The following AKT3 variants were observed in gnomAD, a reference collection of about 807,000 sequenced individuals.
AKT3 encodes RAC-gamma serine/threonine-protein kinase.
Under a neutral mutation model 65.3 loss-of-function variants are expected in AKT3, and 15 were observed. The observed-to-expected ratio is 0.23, with a 90% CI of 0.15 to 0.35. The LOEUF (loss-of-function observed/expected upper bound fraction) is 0.35. Ranked by LOEUF, AKT3 falls within the 10% of genes least tolerant of loss-of-function variation. The probability of loss-of-function intolerance (pLI) is 1.00; values close to 1 mark genes in which losing one functional copy is unlikely to be tolerated. For missense variants in AKT3, 243 were observed against 576.5 expected (o/e 0.42, Z 5.92); for synonymous variants, 206 against 183.8 (o/e 1.12, Z -0.98).
At chr1:243,512,173 T>C (rs1670054641) in intron 13 of AKT3, 151 bp downstream of exon 13, 2 of 523,582 alleles carry the variant, frequency 3.8e-6, no homozygotes, top group Admixed American at 3.9e-5. Context: ...TAAATTCAAT[T>C]CAATATTCAA....
chr1:243,682,655 C>T (rs1414402385), intron 3 of AKT3, among the ~76,000 whole-genome samples: 2 of 152,120 alleles, frequency 1.3e-5, no homozygotes, highest in African/African-American at 2.4e-5. Context: ...ATTTTTCACT[C>T]TATACAGGGA....
intron 2 of AKT3, among the ~76,000 whole-genome samples, chr1:243,807,069 G>A (rs72761662): frequency 0.03 from 4,565 of 152,246 alleles, 94 homozygotes; most frequent in Non-Finnish European, 0.051. Flanking sequence ...CAAGATGGCC[G>A]AATAGGAAAA....
intron 2 of AKT3, among the ~76,000 whole-genome samples, chr1:243,804,603 T>C (rs1692605752): frequency 6.6e-6 from 1 of 152,112 alleles, no homozygotes; most frequent in African/African-American, 2.4e-5. Context: ...TCCCAGCACT[T>C]TGGGAGGCCG....
At chr1:243,704,988 A>G (rs1685703979) in intron 2 of AKT3, among the ~76,000 whole-genome samples, 2 of 152,196 alleles carry the variant, frequency 1.3e-5, no homozygotes, top group Non-Finnish European at 2.9e-5. Context: ...AGGTGTTTAC[A>G]ATTTTCGTGA....
chr1:243,682,489 G>C (rs1683995189), intron 3 of AKT3, among the ~76,000 whole-genome samples: 1 of 152,120 alleles, frequency 6.6e-6, no homozygotes, highest in Non-Finnish European at 1.5e-5. Context: ...TGTTACTACA[G>C]AAACTACAAA....
intron 3 of AKT3, among the ~76,000 whole-genome samples, chr1:243,691,866 G>A (rs1238446311): frequency 6.6e-6 from 1 of 152,162 alleles, no homozygotes; most frequent in Non-Finnish European, 1.5e-5. Flanking sequence ...AACCCCAAAA[G>A]TCAACGTGTC....
At chr1:243,491,512 A>T (rs1198735776) in intron 13 of AKT3, among the ~76,000 whole-genome samples, 1 of 152,234 alleles carries the variant, frequency 6.6e-6, no homozygotes, top group African/African-American at 2.4e-5. Flanking sequence ...TAGTGGTCAG[A>T]GAGGAGGCAG....
In AKT3 at chr1:243,502,443, G is replaced by C. The variant is rs1009620218; in HGVS notation, c.*2806C>G. 4.3e-6 allele frequency: 1 copy of C among 233,118 alleles called. No individual in the cohort carries two copies. The highest frequency in any genetic ancestry group is 8.5e-6 in the Non-Finnish European group (1 of 118,020). The allele number at this position is 233,118 out of a possible 1,614,324, so 14.4% of individuals were successfully genotyped here. ...AGCAGAAATGGCCAATTTCCTCCAA[G>C]ATGGCTGCATTATGACAAGAAGTCA... On this transcript the variant is annotated 3_prime_UTR_variant, in exon 14 of 14. Coordinates refer to ENST00000673466, the MANE Select transcript of AKT3 (RefSeq NM_005465.7).
chr1:243,607,285 A>G (rs891890687), intron 8 of AKT3, among the ~76,000 whole-genome samples: 7 of 152,236 alleles, frequency 4.6e-5, no homozygotes, highest in Non-Finnish European at 7.3e-5. Context: ...AGCCCATGAA[A>G]GTAGCTGGGA....
chr1:243,520,635 A>G (rs1670661871), intron 12 of AKT3, among the ~76,000 whole-genome samples: 2 of 152,218 alleles, frequency 1.3e-5, no homozygotes, highest in Admixed American at 1.3e-4. Flanking sequence ...TTAACTGCAA[A>G]CAACATATTT....
intron 5 of AKT3, among the ~76,000 whole-genome samples, chr1:243,638,565 G>C (rs553508638): frequency 4.6e-4 from 70 of 152,040 alleles, no homozygotes; most frequent in South Asian, 1.7e-3. Flanking sequence ...TTGTGGACTT[G>C]CCTCCTTTTG....
chr1:243,659,803 T>C (rs984181130), intron 4 of AKT3, among the ~76,000 whole-genome samples: 15 of 152,212 alleles, frequency 9.9e-5, no homozygotes, highest in African/African-American at 2.7e-4. Flanking sequence ...ATATTAAAAA[T>C]AGAGAGTTTT....
At chr1:243,677,483 AT>A (rs1379006653) in intron 3 of AKT3, among the ~76,000 whole-genome samples, 2 of 151,940 alleles carry the variant, frequency 1.3e-5, no homozygotes, top group Non-Finnish European at 1.5e-5. Context: ...CTCACAACTT[AT>A]TTTTTTCTCA....
chr1:243,679,081 TAATG>T (rs1203610707), intron 3 of AKT3, among the ~76,000 whole-genome samples: 1 of 152,228 alleles, frequency 6.6e-6, no homozygotes, highest in Non-Finnish European at 1.5e-5. Context: ...CACTTCCACT[TAATG>T]AATAGCAAAT....
chr1:243,576,907 C>A (rs756431744), intron 8 of AKT3, among the ~76,000 whole-genome samples: 1 of 152,078 alleles, frequency 6.6e-6, no homozygotes, highest in Non-Finnish European at 1.5e-5. Flanking sequence ...AAAAAAGAAC[C>A]CACAGAGCCA....
intron 8 of AKT3, among the ~76,000 whole-genome samples, chr1:243,597,757 C>A (rs183259921): frequency 3.3e-5 from 5 of 152,218 alleles, no homozygotes; most frequent in African/African-American, 1.2e-4. Context: ...CTGCCTTGGC[C>A]TCCCAAAGTG....
At chr1:243,785,554 C>A (rs1691210297) in intron 2 of AKT3, among the ~76,000 whole-genome samples, 1 of 151,970 alleles carries the variant, frequency 6.6e-6, no homozygotes, top group Non-Finnish European at 1.5e-5. Flanking sequence ...TTTGTGAAAA[C>A]CTCTCATGTT....
Position 243,790,404 on chromosome 1 carries a change from T to G in AKT3, c.46+52721A>C, listed in dbSNP as rs142417195. The stretch of plus-strand genomic sequence containing the variant: ...CTTAAACCTCATGAATCAACCTCTG[T>G]TAGCTTCTAACTTTTCTTCTGCAGC... On this transcript the variant is annotated intron_variant, in intron 2 of 13. Coordinates refer to ENST00000673466, the MANE Select transcript of AKT3 (RefSeq NM_005465.7). Among the ~76,000 whole-genome samples, 1,270 of 152,324 alleles carry G rather than the reference T, an allele frequency of 8.3e-3. 16 individuals carry two copies. Among genetic ancestry groups the G allele is most frequent in the African/African-American group, 0.029 (1,219 of 41,564 alleles).
intron 8 of AKT3, among the ~76,000 whole-genome samples, chr1:243,611,362 C>G (rs1677853349): frequency 6.6e-6 from 1 of 152,116 alleles, no homozygotes; most frequent in African/African-American, 2.4e-5. Context: ...TTTGTTTCTA[C>G]CAAGATCTAA....
Sources: gnomAD v4.1 joint callset for allele counts (sites outside exome capture counted in the v4.1 genomes callset) on GRCh38, gnomAD v4.1.1 for gene constraint, MANE v1.5 for transcripts, NCBI Gene and HGNC (gene_info 2026-07-23, HGNC 2026-07-21) for gene names.